The following NRL variants were observed in gnomAD, a reference collection of about 807,000 sequenced individuals.
The protein encoded by NRL is neural retina leucine zipper, also known as neural retina-specific leucine zipper protein.
Under a neutral mutation model 12.5 loss-of-function variants are expected in NRL, and 16 were observed. The observed-to-expected ratio is 1.28, with a 90% CI of 0.87 to 1.95. The LOEUF is 1.95. NRL is among the 30% of genes most tolerant of loss of function. The pLI is 0.00. For missense variants in NRL, 314 were observed against 325.8 expected (o/e 0.96, Z 0.28); for synonymous variants, 142 against 150.9 (o/e 0.94, Z 0.43).
chr14:24,096,957 T>C (rs748159215), intron 1 of NRL: 29 of 1,613,312 alleles, frequency 1.8e-5, no homozygotes, highest in Non-Finnish European at 2.4e-5. Context: ...ACCCTGCGAG[T>C]GCTTAGTGGA....
At chr14:24,096,688 G>C (rs1031012800) in intron 1 of NRL, among the ~76,000 whole-genome samples, 2 of 152,062 alleles carry the variant, frequency 1.3e-5, no homozygotes, top group African/African-American at 4.8e-5. Flanking sequence ...CGCTGAGCAG[G>C]AGACACCCTC....
Position 24,081,149 on chromosome 14 carries a change from G to C in NRL, c.*87C>G, listed in dbSNP as rs996297728. Reference sequence around the variant, plus strand: ...CGTGGCTAGGACCAGAAGGCGCTCTGGTAACGATGCAGAGAACCGTGCAGC... The same window carrying C: ...CGTGGCTAGGACCAGAAGGCGCTCTCGTAACGATGCAGAGAACCGTGCAGC... On this transcript the variant is annotated 3_prime_UTR_variant, in exon 3 of 3. Coordinates refer to ENST00000561028, the MANE Select transcript of NRL (RefSeq NM_001354768.3). This position sits in a 1 kb window ranked among gnomAD's most constrained non-coding sequence, Gnocchi z 4.4. 1.0e-6 allele frequency: 1 copy of C among 975,204 alleles called. No homozygotes were observed. Among genetic ancestry groups the C allele is most frequent in the African/African-American group, 1.7e-5 (1 of 58,900 alleles). 60.4% of individuals were successfully genotyped at this position (975,204 alleles called of 1,614,324 possible). A position where few individuals can be genotyped will look rare whatever the true frequency, so the allele number is the denominator to read the frequency against.
At chr14:24,114,441 T>C (rs2037488554) in intron 1 of NRL, 1 of 154,936 alleles carries the variant, frequency 6.5e-6, no homozygotes, top group African/African-American at 2.4e-5. Context: ...GGGGAAGCAG[T>C]GGGGAGAAAG....
In NRL at chr14:24,081,024, T is replaced by G; in HGVS notation, c.*212A>C. 1 of 399,036 alleles carries G rather than the reference T, an allele frequency of 2.5e-6. No homozygotes were observed. The allele number at this position is 399,036 out of a possible 1,614,324, so 24.7% of individuals were successfully genotyped here. A position where few individuals can be genotyped will look rare whatever the true frequency, so the allele number is the denominator to read the frequency against. ...CATGTGGGCTGGGTTTCTGTGTTCG[T>G]AAGGGGAGGGGACCCCTCTCCAGAA... On this transcript the variant is annotated 3_prime_UTR_variant, in exon 3 of 3. Transcript: ENST00000561028. The surrounding 1 kb of genome is among the most constrained non-coding windows in gnomAD (Gnocchi z 4.4).
intron 1 of NRL, chr14:24,103,570 A>T: frequency 6.3e-7 from 1 of 1,586,206 alleles, no homozygotes; most frequent in Admixed American, 1.8e-5. Flanking sequence ...AACTTCGGGC[A>T]CTACCTGGAA....
At chr14:24,110,523 G>A (rs891050337) in intron 1 of NRL, 5 of 167,716 alleles carry the variant, frequency 3.0e-5, no homozygotes, top group East Asian at 1.9e-4. Context: ...AATTTCCTAT[G>A]GTATAAAAAT....
rs141128744 is a variant in NRL at position 24,078,885 on chromosome 14, C to G, written c.*2351G>C. On this transcript the variant is annotated 3_prime_UTR_variant, in exon 3 of 3. Transcript: ENST00000561028. ...GCACGATTATGGCTCACTGCATCCC[C>G]GAACTCCTGGGCTCAAGTTATCCTT... Among the ~76,000 whole-genome samples, 5 of 152,258 alleles carry G rather than the reference C, an allele frequency of 3.3e-5. No homozygotes were observed. Among genetic ancestry groups the G allele is most frequent in the Admixed American group, 3.3e-4 (5 of 15,304 alleles).
At chr14:24,100,165 C>G in intron 1 of NRL, 1 of 1,614,082 alleles carries the variant, frequency 6.2e-7, no homozygotes, top group Non-Finnish European at 8.5e-7. Flanking sequence ...CCAGCCTCTT[C>G]CACCTGGTGT....
intron 1 of NRL, among the ~76,000 whole-genome samples, chr14:24,105,295 G>C (rs563878915): frequency 1.3e-5 from 2 of 152,188 alleles, no homozygotes; most frequent in Non-Finnish European, 2.9e-5. Flanking sequence ...CCCTCATTCC[G>C]GTGAACCCAC....
At chr14:24,107,583 T>A (rs947108732) in intron 1 of NRL, among the ~76,000 whole-genome samples, 1 of 152,182 alleles carries the variant, frequency 6.6e-6, no homozygotes, top group Non-Finnish European at 1.5e-5. Flanking sequence ...TAAATGTAGA[T>A]CCTTAGACAC....
chr14:24,087,184 A>C (rs981064621), intron 1 of NRL, among the ~76,000 whole-genome samples: 4 of 152,194 alleles, frequency 2.6e-5, no homozygotes, highest in Admixed American at 2.0e-4. Flanking sequence ...ATGTAGGCAC[A>C]TGGACGAGAT....
At chr14:24,093,007 A>G (rs1343929383) in intron 1 of NRL, among the ~76,000 whole-genome samples, 1 of 152,210 alleles carries the variant, frequency 6.6e-6, no homozygotes, top group Non-Finnish European at 1.5e-5. Context: ...AGTTTTAGAA[A>G]AAGTCCCAGA....
At position 24,080,897 on chromosome 14, in the gene NRL, G is replaced by C; in HGVS notation, c.*339C>G. ...AAAACCCTGAATTAAAAACTAAACTGAGGTGGGAGCTGCAACCCTCCTCCA... is the reference window on the plus strand; with the variant it reads ...AAAACCCTGAATTAAAAACTAAACTCAGGTGGGAGCTGCAACCCTCCTCCA... On this transcript the variant is annotated 3_prime_UTR_variant, in exon 3 of 3. Coordinates refer to ENST00000561028, the MANE Select transcript of NRL (RefSeq NM_001354768.3). 3.8e-6 allele frequency: 1 copy of C among 265,822 alleles called. No homozygotes were observed. The highest frequency in any genetic ancestry group is 1.1e-3 in the Middle Eastern group (1 of 906). 16.5% of individuals were successfully genotyped at this position (265,822 alleles called of 1,614,324 possible).
At position 24,090,271 on chromosome 14, in the gene NRL, G is replaced by A. The variant is rs865882253; in HGVS notation, c.-27-7396C>T. Among the ~76,000 whole-genome samples the A allele has an allele frequency of 1.2e-3, 158 of 127,092 alleles. 2 individuals carry two copies. Among genetic ancestry groups the A allele is most frequent in the Middle Eastern group, 0.012 (3 of 248 alleles). The allele number at this position is 127,092 out of a possible 152,430, so 83.4% of individuals were successfully genotyped here. ...TGTGTGCAGGTGGTTTACTCGGGGG[G>A]GGGGGGGGGGCACGGGGGGGGACTT... On this transcript the variant is annotated intron_variant, in intron 1 of 2. Transcript: ENST00000561028.
At chr14:24,095,082 G>A (rs2036805465) in intron 1 of NRL, 2 of 456,100 alleles carry the variant, frequency 4.4e-6, no homozygotes, top group Non-Finnish European at 8.8e-6. Context: ...CCCCAGGCTC[G>A]TCCTGTTTGT....
At chr14:24,113,820 G>A (rs922144363) in intron 1 of NRL, among the ~76,000 whole-genome samples, 5 of 152,210 alleles carry the variant, frequency 3.3e-5, no homozygotes, top group Admixed American at 3.3e-4. Flanking sequence ...ACGAGCCCTC[G>A]CTCCCATCCC....
intron 1 of NRL, chr14:24,103,571 C>CT: frequency 6.3e-7 from 1 of 1,589,638 alleles, no homozygotes; most frequent in Non-Finnish European, 8.6e-7. Context: ...ACTTCGGGCA[C>CT]TACCTGGAAC....
In NRL at chr14:24,103,566, G is replaced by A. The variant is rs765384504; in HGVS notation, c.-28+11156C>T. 23 of 1,581,226 alleles carry A rather than the reference G, an allele frequency of 1.5e-5. No homozygotes were observed. Among genetic ancestry groups the A allele is most frequent in the Middle Eastern group, 1.7e-4 (1 of 5,908 alleles). On this transcript the variant is annotated intron_variant, in intron 1 of 2. Coordinates refer to ENST00000561028, the MANE Select transcript of NRL (RefSeq NM_001354768.3). ...GCGGCCCTTTTTTGGCTACAACTTC[G>A]GGCACTACCTGGAACACTGGCTGAG...
chr14:24,094,437 G>A lies in NRL; in HGVS notation c.-27-11562C>T, dbSNP rs766642511. 1.9e-6 allele frequency: 3 copies of A among 1,546,164 alleles called. No individual in the cohort carries two copies. Among genetic ancestry groups the A allele is most frequent in the East Asian group, 2.5e-5 (1 of 40,800 alleles). ...GCATTGTACCGCCCTGGCCTGCGGT[G>A]AGTGACCCCCGGCCCGGGGCCCACC... On this transcript the variant is annotated intron_variant, in intron 1 of 2. Transcript: ENST00000561028. This position sits in a 1 kb window ranked among gnomAD's most constrained non-coding sequence, Gnocchi z 4.1.
Sources: allele counts gnomAD v4.1 joint callset (sites outside exome capture counted in the v4.1 genomes callset), GRCh38; gene constraint gnomAD v4.1.1; non-coding constraint Gnocchi (gnomAD v3.1); transcripts MANE v1.5; gene names NCBI Gene and HGNC (gene_info 2026-07-23, HGNC 2026-07-21).